Variants in ZRANB1 observed in about 807,000 individuals in gnomAD.
ZRANB1 encodes the protein ubiquitin thioesterase ZRANB1.
ZRANB1 carries 16 observed loss-of-function variants against 80.5 expected under a neutral mutation model. The observed-to-expected ratio is 0.20, with a 90% CI of 0.13 to 0.30. The LOEUF is 0.30. Ranked by LOEUF, ZRANB1 falls within the 10% of genes least tolerant of loss-of-function variation. The pLI, the probability that ZRANB1 is intolerant of heterozygous loss-of-function variation, is 1.00. For synonymous variants in ZRANB1, 291 were observed against 293.1 expected (o/e 0.99, Z 0.07); for missense variants, 576 against 862.6 (o/e 0.67, Z 4.16).
At chr10:124,967,678 A>G (rs890241459) in intron 2 of ZRANB1, among the ~76,000 whole-genome samples, 1 of 152,078 alleles carries the variant, frequency 6.6e-6, no homozygotes, top group Admixed American at 6.5e-5. Context: ...ATAGAAGGGT[A>G]CCCAGAAGGG....
At chr10:124,924,582 C>G in the ZRANB1 span, among the ~76,000 whole-genome samples, 2 of 152,042 alleles carry the variant, frequency 1.3e-5, no homozygotes, top group East Asian at 3.9e-4. Flanking sequence ...AATATATGAC[C>G]GTTTATGTGG....
intron 5 of ZRANB1, 60 bp from the exon 6 acceptor site, chr10:124,981,649 T>G: frequency 7.0e-7 from 1 of 1,433,606 alleles, no homozygotes; most frequent in Non-Finnish European, 9.4e-7. Flanking sequence ...TGATCAGAAC[T>G]TTAAATGTTT....
At chr10:124,926,994 G>C in the ZRANB1 span, among the ~76,000 whole-genome samples, 1 of 151,988 alleles carries the variant, frequency 6.6e-6, no homozygotes, top group Non-Finnish European at 1.5e-5. Flanking sequence ...TCTCGCTGTC[G>C]CCCAGGCTGG....
upstream of ZRANB1, among the ~76,000 whole-genome samples, chr10:124,938,382 A>G (rs1453126869): frequency 1.3e-5 from 2 of 151,674 alleles, no homozygotes; most frequent in Non-Finnish European, 2.9e-5. Flanking sequence ...TCTGAGTGCA[A>G]TGGTGTGATC....
At chr10:124,924,164 A>G in the ZRANB1 span, among the ~76,000 whole-genome samples, 2 of 151,816 alleles carry the variant, frequency 1.3e-5, no homozygotes, top group African/African-American at 4.8e-5. Context: ...TTGGCCTCCC[A>G]AAGTGCTGGG....
rs1952123912 is a variant in ZRANB1 at position 124,988,154 on chromosome 10, T to TA, written c.*3162_*3163insA. 1 of 152,572 alleles carries TA rather than the reference T, an allele frequency of 6.6e-6. No individual in the cohort carries two copies. Among genetic ancestry groups the TA allele is most frequent in the African/African-American group, 2.4e-5 (1 of 41,458 alleles). 9.5% of individuals were successfully genotyped at this position (152,572 alleles called of 1,614,324 possible). A position where few individuals can be genotyped will look rare whatever the true frequency, so the allele number is the denominator to read the frequency against. ...ATAATGATGGACTTGTGTGAGGTTT[T>TA]GATTTTTCAATTAAACTTTTTGTTA... On this transcript the variant is annotated 3_prime_UTR_variant, in exon 9 of 9. Transcript: ENST00000359653.
Position 124,973,691 on chromosome 10 carries a change from G to C in ZRANB1, c.1203G>C (p.Glu401Asp). ...PPTVQEKLFDEVLDRDVQKEL... is the reference protein window; with the variant it reads ...PPTVQEKLFDDVLDRDVQKEL... ...CAGTCCAAGAAAAATTATTTGATGA[G>C]GTGCTTGATAGAGACGTTCAAAAAG... The change falls in exon 4 of 9, where the codon GAG (glutamate) becomes GAC (aspartate). Residue 401 changes from glutamate (E) to aspartate (D), a missense_variant. This residue lies in a region of ZRANB1 where 411 missense variants were observed against 583.1 expected (regional missense o/e 0.70). Coordinates refer to ENST00000359653, the MANE Select transcript of ZRANB1 (RefSeq NM_017580.3). 6.2e-7 allele frequency: 1 copy of C among 1,612,752 alleles called. No individual in the cohort carries two copies. Among genetic ancestry groups the C allele is most frequent in the Non-Finnish European group, 8.5e-7 (1 of 1,179,622 alleles).
At chr10:124,964,520 C>T (rs554935257) in intron 1 of ZRANB1, among the ~76,000 whole-genome samples, 2 of 152,142 alleles carry the variant, frequency 1.3e-5, no homozygotes, top group Non-Finnish European at 2.9e-5. Context: ...TTTAGATTAC[C>T]TCATCTCTGT....
chr10:124,969,580 T>C lies in ZRANB1; in HGVS notation c.1003-2385T>C, dbSNP rs551446504. 3.3e-4 allele frequency among the ~76,000 whole-genome samples: 51 copies of C among 152,278 alleles called. 1 individual carries two copies. Among genetic ancestry groups the C allele is most frequent in the East Asian group, 1.9e-4 (1 of 5,184 alleles). ...CATGTTGGTAGTTTCATGAAACTTATGGACTCCTTCCCAGAATACTGTTTT... is the reference window on the plus strand; with the variant it reads ...CATGTTGGTAGTTTCATGAAACTTACGGACTCCTTCCCAGAATACTGTTTT... On this transcript the variant is annotated intron_variant, in intron 2 of 8. Transcript: ENST00000359653.
At chr10:124,938,619 C>T (rs1951508490), upstream of ZRANB1, among the ~76,000 whole-genome samples, 1 of 152,138 alleles carries the variant, frequency 6.6e-6, no homozygotes. Context: ...CACCTAGCCA[C>T]TCTTCAATGA....
the ZRANB1 span, among the ~76,000 whole-genome samples, chr10:124,932,272 G>A: frequency 6.7e-6 from 1 of 150,176 alleles, no homozygotes; most frequent in African/African-American, 2.5e-5. Context: ...ACACTATACG[G>A]GTGTAAAGAT....
chr10:124,944,597 A>G (rs929115777), intron 1 of ZRANB1, among the ~76,000 whole-genome samples: 12 of 143,396 alleles, frequency 8.4e-5, no homozygotes, highest in Middle Eastern at 3.9e-3. Context: ...GTGACCTGCC[A>G]TCTCAGCCTC....
the ZRANB1 span, among the ~76,000 whole-genome samples, chr10:124,927,179 T>C: frequency 1.3e-5 from 2 of 152,022 alleles, no homozygotes; most frequent in Admixed American, 1.3e-4. Context: ...ATGGTCTCGA[T>C]CTCCTGATCT....
the ZRANB1 span, among the ~76,000 whole-genome samples, chr10:124,926,012 TGTG>T: frequency 6.6e-6 from 1 of 152,360 alleles, no homozygotes; most frequent in South Asian, 2.1e-4. Context: ...TATTGAATAC[TGTG>T]GTGTTTTTCT....
At chr10:124,944,830 A>G (rs1428515434) in intron 1 of ZRANB1, among the ~76,000 whole-genome samples, 1 of 151,974 alleles carries the variant, frequency 6.6e-6, no homozygotes, top group African/African-American at 2.4e-5. Context: ...TTGTTCTGGC[A>G]AAAAAGAATA....
chr10:124,917,769 G>C, the ZRANB1 span, among the ~76,000 whole-genome samples: 1 of 152,144 alleles, frequency 6.6e-6, no homozygotes, highest in East Asian at 1.9e-4. Flanking sequence ...AAATAAAGGT[G>C]GGGGACGACG....
chr10:124,972,191 T>C (rs1951832777), intron 3 of ZRANB1, 73 bp downstream of exon 3: 5 of 1,488,288 alleles, frequency 3.4e-6, no homozygotes, highest in Non-Finnish European at 2.7e-6. Context: ...AGGTGAAAAA[T>C]GTTTCTGTTA....
rs200793201 is a variant in ZRANB1, at chr10:124,984,940, C to T, written c.2075C>T (p.Pro692Leu). The T allele has an allele frequency of 2.4e-5, 38 of 1,613,204 alleles. No homozygotes were observed. Among genetic ancestry groups the T allele is most frequent in the East Asian group, 1.1e-4 (5 of 44,864 alleles). The change falls in exon 9 of 9, where the codon CCG becomes CTG. Residue 692 changes from proline to leucine, a missense_variant. Around this residue, in one of 3 missense-constraint regions of ZRANB1, gnomAD observed 152 missense variants for 221.9 expected, o/e 0.69. Transcript: ENST00000359653. ...KWLDRYRQIR[P>L]CTSLSDGEED... ...CTTGACCGCTACCGACAGATCCGGC[C>T]GTGTACATCCCTGTCTGATGGAGAG...
At chr10:124,966,824 A>G in intron 2 of ZRANB1, 43 bp downstream of exon 2, 1 of 1,537,832 alleles carries the variant, frequency 6.5e-7, no homozygotes, top group Non-Finnish European at 8.9e-7. Context: ...ATATTAAAGA[A>G]ACCTGTTCTT....
Sources: gnomAD v4.1 joint callset for allele counts (sites outside exome capture counted in the v4.1 genomes callset) on GRCh38, gnomAD v4.1.1 for gene constraint, gnomAD v4.1.1 regional missense constraint, MANE v1.5 for transcripts, NCBI Gene and HGNC (gene_info 2026-07-23, HGNC 2026-07-21) for gene names.